ARMC9: variants seen among roughly 807,000 people sequenced by gnomAD.
The protein encoded by ARMC9 is armadillo repeat containing 9.
ARMC9 carries 94 observed loss-of-function variants against 107.0 expected under a neutral mutation model. The ratio of observed to expected loss-of-function variants is 0.88; its 90% CI spans 0.74 to 1.04. ARMC9 has a LOEUF of 1.04. Among genes scored for constraint, ARMC9 ranks in the 50% least tolerant of loss-of-function variants. ARMC9 has a pLI of 0.00. For missense variants in ARMC9, 942 were observed against 1,030.1 expected (o/e 0.91, Z 1.17); for synonymous variants, 380 against 396.9 (o/e 0.96, Z 0.51).
At chr2:231,307,270 G>A (rs923014925) in intron 19 of ARMC9, among the ~76,000 whole-genome samples, 2 of 152,194 alleles carry the variant, frequency 1.3e-5, no homozygotes, top group African/African-American at 4.8e-5. Context: ...GCTGAGGACT[G>A]TTTCGTTTGG....
intron 9 of ARMC9, among the ~76,000 whole-genome samples, chr2:231,252,978 A>C (rs1370458386): frequency 6.6e-6 from 1 of 152,078 alleles, no homozygotes; most frequent in Non-Finnish European, 1.5e-5. Context: ...CTTATTTTCT[A>C]AACTCACTAT....
chr2:231,271,147 C>T, intron 13 of ARMC9, 75 bp downstream of exon 13: 1 of 1,420,260 alleles, frequency 7.0e-7, no homozygotes, highest in East Asian at 2.4e-5. Flanking sequence ...AATGAGCGTT[C>T]CTCCCAAGTT....
At chr2:231,213,102 G>A (rs1460030544) in intron 3 of ARMC9, among the ~76,000 whole-genome samples, 1 of 151,320 alleles carries the variant, frequency 6.6e-6, no homozygotes, top group Non-Finnish European at 1.5e-5. Context: ...CTTATAAACA[G>A]ATAAAACAAG....
chr2:231,320,099 A>G (rs189456319), intron 19 of ARMC9, among the ~76,000 whole-genome samples: 1 of 146,844 alleles, frequency 6.8e-6, no homozygotes, highest in Non-Finnish European at 1.5e-5. Flanking sequence ...TACTCATCCC[A>G]ATACCCAGTT....
chr2:231,324,962 G>A (rs111646868), intron 19 of ARMC9, among the ~76,000 whole-genome samples: 1 of 152,206 alleles, frequency 6.6e-6, no homozygotes, highest in Non-Finnish European at 1.5e-5. Context: ...AGTGGCTCAT[G>A]CCTGTAATCC....
chr2:231,303,475 C>T (rs1359234208), intron 19 of ARMC9, among the ~76,000 whole-genome samples: 2 of 152,316 alleles, frequency 1.3e-5, no homozygotes, highest in Non-Finnish European at 1.5e-5. Context: ...CCATCTAGTA[C>T]AGCGTTAGCT....
chr2:231,267,531 C>T (rs537452714), intron 12 of ARMC9, among the ~76,000 whole-genome samples: 9 of 152,262 alleles, frequency 5.9e-5, no homozygotes, highest in East Asian at 5.8e-4. Context: ...GCACCCGGCC[C>T]GGCAGCAATA....
chr2:231,231,631 G>A (rs552511025), intron 7 of ARMC9, among the ~76,000 whole-genome samples: 3 of 151,742 alleles, frequency 2.0e-5, no homozygotes, highest in Non-Finnish European at 4.4e-5. Flanking sequence ...CAATTCAATC[G>A]CCTTGGCTTC....
At chr2:231,371,258 G>A (rs1001317743) in intron 24 of ARMC9, among the ~76,000 whole-genome samples, 3 of 152,254 alleles carry the variant, frequency 2.0e-5, no homozygotes, top group Admixed American at 2.0e-4. Context: ...AGCCATGGGC[G>A]TTGTGTGTCC....
intron 24 of ARMC9, 101 bp downstream of exon 24, chr2:231,370,226 A>ACCAGG: frequency 7.6e-6 from 10 of 1,319,294 alleles, no homozygotes; most frequent in South Asian, 5.2e-5. Context: ...TCCTGTGTGT[A>ACCAGG]CCAGGCCAGG....
rs1255213554 is a variant in ARMC9 at position 231,255,213 on chromosome 2, A to ACT, written c.880-1372_880-1371insTC. On this transcript the variant is annotated intron_variant, in intron 9 of 24. Coordinates refer to ENST00000611582, the MANE Select transcript of ARMC9 (RefSeq NM_001352754.2). The surrounding 1 kb of genome is among the most constrained non-coding windows in gnomAD (Gnocchi z 4.7). Reference sequence around the variant, plus strand: ...CACACACACACACACACACACACACACACACACAAAATAAATGGGACAAGA... The same window carrying ACT: ...CACACACACACACACACACACACACACTCACACACAAAATAAATGGGACAAGA... Among the ~76,000 whole-genome samples the ACT allele has an allele frequency of 4.0e-5, 6 of 150,908 alleles. No individual in the cohort carries two copies. Among genetic ancestry groups the ACT allele is most frequent in the African/African-American group, 1.2e-4 (5 of 41,192 alleles).
At chr2:231,288,711 A>G (rs1264765233) in intron 17 of ARMC9, 9 of 471,094 alleles carry the variant, frequency 1.9e-5, no homozygotes, top group Non-Finnish European at 4.0e-5. Flanking sequence ...TGACAACATC[A>G]AGGCTGAAAG....
At chr2:231,339,991 G>A (rs190831586) in intron 20 of ARMC9, among the ~76,000 whole-genome samples, 2 of 152,326 alleles carry the variant, frequency 1.3e-5, no homozygotes, top group Non-Finnish European at 2.9e-5. Flanking sequence ...TTCTCCCTTA[G>A]CATTTTTGGC....
At chr2:231,314,238 C>G (rs1367817486) in intron 19 of ARMC9, among the ~76,000 whole-genome samples, 4 of 151,956 alleles carry the variant, frequency 2.6e-5, no homozygotes, top group African/African-American at 9.7e-5. Flanking sequence ...CGCCACCATG[C>G]CCGGCTAATT....
intron 10 of ARMC9, among the ~76,000 whole-genome samples, chr2:231,258,421 T>C (rs887342464): frequency 1.3e-5 from 2 of 152,084 alleles, no homozygotes; most frequent in African/African-American, 4.8e-5. Context: ...CCTTAGGTGA[T>C]CCACCCGCAC....
At chr2:231,335,814 C>T (rs796319055) in intron 20 of ARMC9, among the ~76,000 whole-genome samples, 4 of 152,124 alleles carry the variant, frequency 2.6e-5, no homozygotes, top group African/African-American at 4.8e-5. Flanking sequence ...CGGTGGCTGA[C>T]GCGTGTGATT....
intron 19 of ARMC9, among the ~76,000 whole-genome samples, chr2:231,300,834 C>T (rs1296149301): frequency 6.6e-6 from 1 of 152,112 alleles, no homozygotes; most frequent in African/African-American, 2.4e-5. Flanking sequence ...CACAGAAATT[C>T]CAAGTACTCC....
At chr2:231,324,285 G>A (rs563606984) in intron 19 of ARMC9, among the ~76,000 whole-genome samples, 50 of 151,212 alleles carry the variant, frequency 3.3e-4, no homozygotes, top group East Asian at 9.9e-4. Flanking sequence ...ACGCCACCAC[G>A]CCCAGCTAAT....
intron 21 of ARMC9, among the ~76,000 whole-genome samples, chr2:231,352,465 AATTTT>A (rs1164474274): frequency 2.7e-5 from 4 of 150,752 alleles, no homozygotes; most frequent in African/African-American, 9.9e-5. Context: ...ACGCCCAGCT[AATTTT>A]ATTTTATTTT....
Sources: gnomAD v4.1 joint callset for allele counts (sites outside exome capture counted in the v4.1 genomes callset) on GRCh38, gnomAD v4.1.1 for gene constraint, Gnocchi (gnomAD v3.1) non-coding constraint, MANE v1.5 for transcripts, NCBI Gene and HGNC (gene_info 2026-07-23, HGNC 2026-07-21) for gene names.